ZNF208: variants seen among roughly 807,000 people sequenced by gnomAD.
ZNF208 encodes the protein zinc finger protein 95.
A neutral mutation model predicts 12.1 loss-of-function variants in ZNF208; 10 were observed. The ratio of observed to expected loss-of-function variants is 0.83; its 90% confidence interval spans 0.51 to 1.40. The LOEUF (loss-of-function observed/expected upper bound fraction) is 1.40, where lower values mean the gene tolerates loss of function less well. Among genes scored for constraint, ZNF208 ranks in the 40% most tolerant of loss-of-function variants. The pLI, the probability that ZNF208 is intolerant of heterozygous loss-of-function variation, is 0.00. For synonymous variants in ZNF208, 497 were observed against 488.4 expected (o/e 1.02, Z -0.23); for missense variants, 1,652 against 1,485.0 (o/e 1.11, Z -1.85).
intron 1 of ZNF208, among the ~76,000 whole-genome samples, chr19:21,990,793 T>C (rs1315366564): frequency 6.6e-6 from 1 of 152,180 alleles, no homozygotes; most frequent in Non-Finnish European, 1.5e-5. Context: ...GAGCAGTGGT[T>C]TGTAGTTCTC....
chr19:22,008,382 C>A (rs931788114), intron 1 of ZNF208, among the ~76,000 whole-genome samples: 4 of 151,488 alleles, frequency 2.6e-5, no homozygotes, highest in African/African-American at 9.7e-5. Flanking sequence ...ACAGATATGT[C>A]TGACTCATGT....
chr19:22,009,926 C>G (rs546210089), intron 1 of ZNF208, among the ~76,000 whole-genome samples: 2 of 152,288 alleles, frequency 1.3e-5, no homozygotes, highest in African/African-American at 4.8e-5. Context: ...TGGCTTACGC[C>G]TATAATCCCA....
At chr19:21,975,377 C>A (rs1028591941) in intron 3 of ZNF208, among the ~76,000 whole-genome samples, 7 of 152,034 alleles carry the variant, frequency 4.6e-5, no homozygotes, top group Admixed American at 1.3e-4. Flanking sequence ...AGAGAGAGAC[C>A]AGATGTACCA....
rs184568351 is a variant in ZNF208, at chr19:21,973,174, C to T, written c.1860G>A (p.Lys620=). The change falls in exon 4 of 4, where the codon AAG becomes AAA. Residue 620 remains lysine, a synonymous_variant. Transcript: ENST00000397126. ...CCTTATGTGTAGTAAGGGTTGAGAC[C>T]TTACTAAAGGTTTTGCCACATTCTT... ...KCEECGKTFS[K]VSTLTTHKAI... 2.8e-4 allele frequency: 453 copies of T among 1,610,806 alleles called. 3 individuals are homozygous for T. In the African/African-American group the frequency reaches 5.8e-3, roughly 21 times the overall value.
chr19:21,973,862 T>C lies in ZNF208; in HGVS notation c.1172A>G (p.His391Arg). ...ACATTTGTAGGGTTTCTCTCCAGTA[T>C]GAATTTTCTTATGATAACTAAGGGT... ...PSTLSYHKKIHTGEKPYKCEE... is the reference protein window; with the variant it reads ...PSTLSYHKKIRTGEKPYKCEE... Residue 391 changes from histidine (H) to arginine (R), a missense_variant, in exon 4 of 4, where the codon CAT becomes CGT. His to Arg is a conservative substitution (Grantham distance 29, BLOSUM62 0). Coordinates refer to ENST00000397126, the MANE Select transcript of ZNF208 (RefSeq NM_007153.3). 6.2e-7 allele frequency: 1 copy of C among 1,613,604 alleles called. No individual in the cohort carries two copies. Among genetic ancestry groups the C allele is most frequent in the Non-Finnish European group, 8.5e-7 (1 of 1,179,890 alleles).
At chr19:21,979,632 A>G (rs1406575519) in intron 3 of ZNF208, among the ~76,000 whole-genome samples, 1 of 152,232 alleles carries the variant, frequency 6.6e-6, no homozygotes, top group African/African-American at 2.4e-5. Context: ...AAACATACCA[A>G]ATTGTAAAGA....
chr19:21,950,152 C>T lies in ZNF208; in HGVS notation c.306-16915G>A, dbSNP rs376025553. Among the ~76,000 whole-genome samples, 316 of 152,148 alleles carry T rather than the reference C, an allele frequency of 2.1e-3. 1 individual carries two copies. Among genetic ancestry groups the T allele is most frequent in the African/African-American group, 6.2e-3 (257 of 41,546 alleles). ...AAAGTGTACTCAACTTAATGAAAAG[C>T]GAATATCCAAGCTATAAGTATATTC... On this transcript the variant is annotated intron_variant, in intron 4 of 4. Transcript: ENST00000599916.
In ZNF208 at chr19:21,969,148, TA is replaced by T. The variant is rs1487124758; in HGVS notation, c.*2042del. ...GGCTAATTTCTTTATTTCTTTTTAG[TA>T]AACATGTTTAGTAAACATTTCTTTT... On this transcript the variant is annotated 3_prime_UTR_variant, in exon 4 of 4. Coordinates refer to ENST00000397126, the MANE Select transcript of ZNF208 (RefSeq NM_007153.3). Among the ~76,000 whole-genome samples the T allele has an allele frequency of 6.6e-6, 1 of 152,130 alleles. No individual in the cohort carries two copies. Among genetic ancestry groups the T allele is most frequent in the Non-Finnish European group, 1.5e-5 (1 of 68,008 alleles).
chr19:21,974,536 C>T lies in ZNF208; in HGVS notation c.498G>A (p.Arg166=), dbSNP rs1970389478. The change falls in exon 4 of 4, where the codon AGG becomes AGA. Residue 166 remains arginine, a synonymous_variant. Transcript: ENST00000397126. The part of the protein sequence containing the change: ...KCSNSNRHKI[R]HTGKKHLQCK... ...ATTGCAAATGTTTCTTTCCAGTATG[C>T]CTTATCTTATGTCTGTTTGAATTTG... 6.2e-7 allele frequency: 1 copy of T among 1,613,610 alleles called. No individual in the cohort carries two copies. Among genetic ancestry groups the T allele is most frequent in the Non-Finnish European group, 8.5e-7 (1 of 1,179,702 alleles).
At chr19:21,949,834 G>T (rs143411232) in intron 4 of ZNF208, among the ~76,000 whole-genome samples, 2 of 152,196 alleles carry the variant, frequency 1.3e-5, no homozygotes, top group East Asian at 3.9e-4. Flanking sequence ...GGTATCAAAG[G>T]CCACGAGGTT....
rs117510007 is a variant in ZNF208 at position 21,978,954 on chromosome 19, G to A, written c.227-4147C>T. 4.1e-3 allele frequency among the ~76,000 whole-genome samples: 620 copies of A among 152,210 alleles called. 4 individuals are homozygous for A. The highest frequency in any genetic ancestry group is 0.02 in the East Asian group (105 of 5,176). ...ATACACAAATGTCAACAGCTGAATC[G>A]ATAAAGCGGAAGAAAGGATATCAGA... On this transcript the variant is annotated intron_variant, in intron 3 of 3. Coordinates refer to ENST00000397126, the MANE Select transcript of ZNF208 (RefSeq NM_007153.3).
At chr19:21,947,541 T>C (rs2145513222) in intron 4 of ZNF208, among the ~76,000 whole-genome samples, 1 of 152,302 alleles carries the variant, frequency 6.6e-6, no homozygotes, top group East Asian at 1.9e-4. Flanking sequence ...CCCCCAATTA[T>C]TTTCCCTTTT....
intron 3 of ZNF208, among the ~76,000 whole-genome samples, chr19:21,984,630 G>A (rs1568449814): frequency 6.6e-6 from 1 of 152,074 alleles, no homozygotes; most frequent in Non-Finnish European, 1.5e-5. Flanking sequence ...CTTATGCAAA[G>A]GTTGTAATGT....
intron 1 of ZNF208, among the ~76,000 whole-genome samples, chr19:22,001,892 CAAAAAAAAAAAAAA>C (rs58939967): frequency 0.031 from 2,320 of 74,150 alleles, 72 homozygotes; most frequent in African/African-American, 0.1. Context: ...GACTCCATCC[CAAAAAAAAAAAAAA>C]AAAAAAAAAA....
downstream of ZNF208, among the ~76,000 whole-genome samples, chr19:21,961,697 G>A (rs1970073673): frequency 6.6e-6 from 1 of 152,044 alleles, no homozygotes; most frequent in Admixed American, 6.6e-5. Flanking sequence ...TTCTTTCCCA[G>A]GGTCTTAATT....
chr19:21,993,059 T>C (rs574138417), intron 1 of ZNF208, among the ~76,000 whole-genome samples: 63 of 152,328 alleles, frequency 4.1e-4, no homozygotes, highest in Admixed American at 1.2e-3. Context: ...ACCACAGGTC[T>C]ACCTGCTGTC....
intron 4 of ZNF208, among the ~76,000 whole-genome samples, chr19:21,943,711 C>A (rs1969777483): frequency 6.6e-6 from 1 of 152,094 alleles, no homozygotes; most frequent in Admixed American, 6.5e-5. Context: ...ATTTCTAAGG[C>A]TCAGCAATTG....
intron 1 of ZNF208, among the ~76,000 whole-genome samples, chr19:21,989,351 C>T (rs1970686956): frequency 6.7e-6 from 1 of 149,634 alleles, no homozygotes; most frequent in Non-Finnish European, 1.5e-5. Flanking sequence ...GGTTTTTTGT[C>T]CTTGTGATAG....
At chr19:21,955,068 T>C (rs1402872008) in intron 4 of ZNF208, among the ~76,000 whole-genome samples, 2 of 152,228 alleles carry the variant, frequency 1.3e-5, no homozygotes, top group East Asian at 1.9e-4. Context: ...CTGTAAAGGA[T>C]TTTATTTCTC....
Sources: allele counts gnomAD v4.1 joint callset (sites outside exome capture counted in the v4.1 genomes callset), GRCh38; gene constraint gnomAD v4.1.1; transcripts MANE v1.5; gene names NCBI Gene and HGNC (gene_info 2026-07-23, HGNC 2026-07-21).